Variants in LAPTM4B observed in about 807,000 individuals in gnomAD.
The protein encoded by LAPTM4B is lysosomal-associated transmembrane protein 4B.
In LAPTM4B, 26 loss-of-function variants were observed where a neutral mutation model predicts 28.5. The ratio of observed to expected loss-of-function variants is 0.91; its 90% CI spans 0.67 to 1.27. LAPTM4B has a LOEUF of 1.27. Among genes scored for constraint, LAPTM4B ranks in the 50% most tolerant of loss-of-function variants. The pLI is 0.00. For synonymous variants in LAPTM4B, 109 were observed against 106.4 expected (o/e 1.02, Z -0.15); for missense variants, 288 against 285.8 (o/e 1.01, Z -0.06).
chr8:97,850,017 C>A (rs1183847097), intron 6 of LAPTM4B, among the ~76,000 whole-genome samples: 1 of 151,850 alleles, frequency 6.6e-6, no homozygotes, highest in Non-Finnish European at 1.5e-5. Context: ...GGAAGCCTCT[C>A]CACTGTCCAA....
intron 2 of LAPTM4B, among the ~76,000 whole-genome samples, chr8:97,806,716 T>A (rs752462035): frequency 3.3e-5 from 5 of 152,098 alleles, no homozygotes; most frequent in Non-Finnish European, 5.9e-5. Context: ...CTCATGAGAT[T>A]GAGGCCGAGG....
chr8:97,851,430 A>G lies in LAPTM4B; in HGVS notation c.637A>G (p.Asn213Asp), dbSNP rs535529158. The G allele has an allele frequency of 1.2e-6, 2 of 1,614,142 alleles. No homozygotes were observed. The highest frequency in any genetic ancestry group is 2.2e-5 in the South Asian group (2 of 91,078). Residue 213 changes from asparagine (N) to aspartate (D), a missense_variant, in exon 7 of 7, where the codon AAT (asparagine) becomes GAT (aspartate). Physicochemically the swap from Asn to Asp is conservative, Grantham distance 23 (BLOSUM62 1). Transcript: ENST00000521545. The stretch of plus-strand genomic sequence containing the variant: ...ACCCCCGTATGATGATGCCACTGTG[A>G]ATGGTGCTGCCAAGGAGCCACCGCC... ...LLPPYDDATVNGAAKEPPPPY... is the reference protein window; with the variant it reads ...LLPPYDDATVDGAAKEPPPPY...
chr8:97,828,609 G>A (rs961069649), intron 6 of LAPTM4B, among the ~76,000 whole-genome samples: 16 of 152,160 alleles, frequency 1.1e-4, no homozygotes, highest in African/African-American at 3.6e-4. Flanking sequence ...ATTGATTTAC[G>A]TAAAAGCAGC....
At chr8:97,798,281 C>G (rs1262145032) in intron 1 of LAPTM4B, among the ~76,000 whole-genome samples, 1 of 152,156 alleles carries the variant, frequency 6.6e-6, no homozygotes, top group Non-Finnish European at 1.5e-5. Context: ...CCCCTTTGCA[C>G]AGACATAGGT....
intron 6 of LAPTM4B, among the ~76,000 whole-genome samples, chr8:97,831,797 GT>G (rs1817186891): frequency 6.6e-6 from 1 of 152,208 alleles, no homozygotes; most frequent in Non-Finnish European, 1.5e-5. Context: ...CTCTTTCGCT[GT>G]TTTGTGGGCG....
At chr8:97,805,908 T>G (rs1025917944) in intron 2 of LAPTM4B, among the ~76,000 whole-genome samples, 3 of 152,130 alleles carry the variant, frequency 2.0e-5, no homozygotes, top group African/African-American at 7.2e-5. Context: ...AATGGAAATA[T>G]GTACAGGGAT....
intron 1 of LAPTM4B, among the ~76,000 whole-genome samples, chr8:97,776,884 T>G (rs1312013559): frequency 6.6e-6 from 1 of 152,080 alleles, no homozygotes; most frequent in Non-Finnish European, 1.5e-5. Flanking sequence ...TTTTGAAGTC[T>G]TTTTTTGTAT....
intron 1 of LAPTM4B, among the ~76,000 whole-genome samples, chr8:97,779,431 G>A (rs1009437110): frequency 5.9e-5 from 9 of 152,066 alleles, no homozygotes; most frequent in African/African-American, 1.9e-4. Flanking sequence ...GTTGCAGTGA[G>A]CCAAGATTGT....
chr8:97,837,770 G>A (rs1383223663), intron 6 of LAPTM4B, among the ~76,000 whole-genome samples: 1 of 148,434 alleles, frequency 6.7e-6, no homozygotes, highest in African/African-American at 2.4e-5. Flanking sequence ...GGTAGAAGGG[G>A]AGAGAAAGAA....
At chr8:97,779,844 G>C (rs1586316507) in intron 1 of LAPTM4B, among the ~76,000 whole-genome samples, 1 of 151,706 alleles carries the variant, frequency 6.6e-6, no homozygotes, top group East Asian at 1.9e-4. Context: ...TTGAGGTCAG[G>C]AGTTCAAAAC....
intron 6 of LAPTM4B, among the ~76,000 whole-genome samples, chr8:97,825,626 T>G (rs1452636344): frequency 6.6e-6 from 1 of 152,240 alleles, no homozygotes; most frequent in Admixed American, 6.5e-5. Flanking sequence ...GTAAAATAAT[T>G]TAGATGATCT....
chr8:97,848,795 G>A (rs1454325148), intron 6 of LAPTM4B, among the ~76,000 whole-genome samples: 5 of 152,292 alleles, frequency 3.3e-5, no homozygotes, highest in East Asian at 1.9e-4. Context: ...TTTCTGGTGC[G>A]GTCACAGCTG....
intron 1 of LAPTM4B, among the ~76,000 whole-genome samples, chr8:97,799,508 C>A (rs1433862330): frequency 1.3e-5 from 2 of 152,170 alleles, no homozygotes; most frequent in East Asian, 3.8e-4. Context: ...CAGGTGACTT[C>A]AGGTTATCTG....
At chr8:97,778,574 G>T (rs963712645) in intron 1 of LAPTM4B, among the ~76,000 whole-genome samples, 5 of 152,092 alleles carry the variant, frequency 3.3e-5, no homozygotes, top group African/African-American at 1.2e-4. Flanking sequence ...GAATTCGCCC[G>T]GTTAATAGTA....
chr8:97,826,318 G>A (rs1236554880), intron 6 of LAPTM4B, among the ~76,000 whole-genome samples: 1 of 152,178 alleles, frequency 6.6e-6, no homozygotes, highest in East Asian at 1.9e-4. Context: ...CCCAGGTGCT[G>A]AGGAGGCTCG....
intron 1 of LAPTM4B, among the ~76,000 whole-genome samples, chr8:97,778,482 C>G (rs1816260519): frequency 6.6e-6 from 1 of 152,108 alleles, no homozygotes; most frequent in Non-Finnish European, 1.5e-5. Flanking sequence ...AAGGACTTAA[C>G]TTGTGCAAGC....
chr8:97,807,456 C>T (rs531276161), intron 2 of LAPTM4B, among the ~76,000 whole-genome samples: 3 of 152,140 alleles, frequency 2.0e-5, no homozygotes, highest in South Asian at 2.1e-4. Flanking sequence ...TGAGTTAGTG[C>T]GTAAAACATG....
chr8:97,835,989 C>T (rs1390993768), intron 6 of LAPTM4B, among the ~76,000 whole-genome samples: 1 of 152,216 alleles, frequency 6.6e-6, no homozygotes, highest in East Asian at 1.9e-4. Context: ...GCACATGCAA[C>T]GGATCTAGGC....
At chr8:97,809,255 C>T (rs574490423) in intron 2 of LAPTM4B, among the ~76,000 whole-genome samples, 81 of 152,264 alleles carry the variant, frequency 5.3e-4, no homozygotes, top group Admixed American at 2.4e-3. Flanking sequence ...TTCCTAACCT[C>T]GATTGCCTTA....
Sources: allele counts gnomAD v4.1 joint callset (sites outside exome capture counted in the v4.1 genomes callset), GRCh38; gene constraint gnomAD v4.1.1; transcripts MANE v1.5; gene names NCBI Gene and HGNC (gene_info 2026-07-23, HGNC 2026-07-21).